Variants in SCMH1 observed in about 807,000 individuals in gnomAD.
SCMH1 encodes polycomb protein SCMH1.
A neutral mutation model predicts 70.8 loss-of-function variants in SCMH1; 37 were observed. That is an observed-to-expected ratio of 0.52 (90% CI 0.40 to 0.69). The LOEUF is 0.69. Among genes scored for constraint, SCMH1 ranks in the 30% least tolerant of loss-of-function variants. SCMH1 has a pLI of 0.00. For synonymous variants in SCMH1, 292 were observed against 307.4 expected, an observed-to-expected ratio of 0.95 and a Z score of 0.52; for missense variants, 607 against 827.3, an observed-to-expected ratio of 0.73 and a Z score of 3.27.
At chr1:41,185,424 CA>C (rs1053508227) in intron 2 of SCMH1, among the ~76,000 whole-genome samples, 1 of 152,136 alleles carries the variant, frequency 6.6e-6, no homozygotes, top group Non-Finnish European at 1.5e-5. Flanking sequence ...TGGGCTCAAG[CA>C]ATTGGCCCAC....
intron 8 of SCMH1, among the ~76,000 whole-genome samples, chr1:41,082,787 G>A (rs1189449203): frequency 1.3e-5 from 2 of 152,064 alleles, no homozygotes; most frequent in Non-Finnish European, 2.9e-5. Flanking sequence ...TGATCAAGTG[G>A]GCTTCATCCC....
At chr1:41,042,729 C>T (rs1055523232) in intron 12 of SCMH1, among the ~76,000 whole-genome samples, 2 of 152,224 alleles carry the variant, frequency 1.3e-5, no homozygotes, top group Admixed American at 1.3e-4. Flanking sequence ...TCACCACATA[C>T]ATGTTCACAT....
chr1:41,039,951 C>CTTTT (rs11369029), intron 12 of SCMH1, among the ~76,000 whole-genome samples: 1 of 147,188 alleles, frequency 6.8e-6, no homozygotes, highest in Non-Finnish European at 1.5e-5. Context: ...TGCCAAAAAA[C>CTTTT]TTTTTTTTTT....
intron 13 of SCMH1, among the ~76,000 whole-genome samples, chr1:41,032,876 G>A (rs1644732843): frequency 6.6e-6 from 1 of 152,226 alleles, no homozygotes; most frequent in Middle Eastern, 3.4e-3. Context: ...CTACTCGGGA[G>A]GCTGAGGCAG....
chr1:41,214,626 T>G (rs1028644685), intron 1 of SCMH1, among the ~76,000 whole-genome samples: 1 of 152,168 alleles, frequency 6.6e-6, no homozygotes, highest in African/African-American at 2.4e-5. Context: ...CACATTATTC[T>G]TATTAAATAG....
intron 6 of SCMH1, among the ~76,000 whole-genome samples, chr1:41,119,531 T>G (rs1240246730): frequency 6.6e-6 from 1 of 152,082 alleles, no homozygotes; most frequent in Non-Finnish European, 1.5e-5. Context: ...TACCTGGCCT[T>G]GGGGTAAAAC....
At chr1:41,153,269 T>C (rs908294971) in intron 4 of SCMH1, among the ~76,000 whole-genome samples, 2 of 152,130 alleles carry the variant, frequency 1.3e-5, no homozygotes, top group African/African-American at 2.4e-5. Flanking sequence ...GCCAATAAGG[T>C]AGCCACTAGC....
chr1:41,102,368 G>A (rs1666844175), intron 8 of SCMH1, among the ~76,000 whole-genome samples: 1 of 152,194 alleles, frequency 6.6e-6, no homozygotes, highest in Non-Finnish European at 1.5e-5. Flanking sequence ...ACTTGGCTGG[G>A]TTCAGCTATG....
chr1:41,102,054 A>G (rs1349485073), intron 8 of SCMH1, among the ~76,000 whole-genome samples: 2 of 152,214 alleles, frequency 1.3e-5, no homozygotes, highest in Non-Finnish European at 2.9e-5. Flanking sequence ...AATCCTTAGG[A>G]GTCTTAACTG....
chr1:41,054,685 C>G (rs1649575802), intron 10 of SCMH1, among the ~76,000 whole-genome samples: 2 of 152,254 alleles, frequency 1.3e-5, no homozygotes, highest in South Asian at 4.1e-4. Flanking sequence ...GAATAGGAAG[C>G]CCAAAGTAGA....
chr1:41,094,179 A>C (rs533501443), intron 8 of SCMH1, among the ~76,000 whole-genome samples: 1 of 152,188 alleles, frequency 6.6e-6, no homozygotes, highest in Non-Finnish European at 1.5e-5. Context: ...AAGCTTAATA[A>C]ATTTTACTGC....
At chr1:41,172,873 C>T (rs1357575454) in intron 2 of SCMH1, among the ~76,000 whole-genome samples, 2 of 152,238 alleles carry the variant, frequency 1.3e-5, no homozygotes, top group East Asian at 3.9e-4. Flanking sequence ...GCTGGGAAAA[C>T]TGGATATCCA....
chr1:41,228,631 A>G (rs1013476058), intron 1 of SCMH1, among the ~76,000 whole-genome samples: 1 of 151,888 alleles, frequency 6.6e-6, no homozygotes, highest in Non-Finnish European at 1.5e-5. Context: ...AAATAAAAAA[A>G]AAAATTAGCT....
intron 8 of SCMH1, among the ~76,000 whole-genome samples, chr1:41,085,631 T>TAG (rs1661384735): frequency 6.6e-6 from 1 of 152,186 alleles, no homozygotes; most frequent in Non-Finnish European, 1.5e-5. Flanking sequence ...AAGTAAGCAC[T>TAG]AGACACATGT....
At chr1:41,134,223 A>G (rs992114089) in intron 6 of SCMH1, among the ~76,000 whole-genome samples, 2 of 152,204 alleles carry the variant, frequency 1.3e-5, no homozygotes, top group Non-Finnish European at 2.9e-5. Context: ...GCCTTTGACA[A>G]AATTCAACAG....
At chr1:41,226,209 T>C (rs1189785111) in intron 1 of SCMH1, among the ~76,000 whole-genome samples, 2 of 152,232 alleles carry the variant, frequency 1.3e-5, no homozygotes, top group African/African-American at 4.8e-5. Flanking sequence ...TTCATCTTTC[T>C]AGTAATTCAT....
Position 41,113,625 on chromosome 1 carries a change from A to C in SCMH1, c.502-99T>G. The C allele has an allele frequency of 7.6e-7, 1 of 1,317,474 alleles. No homozygotes were observed. Among genetic ancestry groups the C allele is most frequent in the East Asian group, 2.4e-5 (1 of 41,678 alleles). 81.6% of individuals were successfully genotyped at this position (1,317,474 alleles called of 1,614,324 possible). A position where few individuals can be genotyped will look rare whatever the true frequency, so the allele number is the denominator to read the frequency against. On this transcript the variant is annotated intron_variant, in intron 7 of 14. Coordinates refer to ENST00000337495, the Ensembl canonical transcript of SCMH1. The surrounding 1 kb of genome is among the most constrained non-coding windows in gnomAD (Gnocchi z 4.3). ...TGGATGATTAAAAAGTGACTGCTACATGAGACTTATAATGGATATATAGCC... is the reference window on the plus strand; with the variant it reads ...TGGATGATTAAAAAGTGACTGCTACCTGAGACTTATAATGGATATATAGCC...
At chr1:41,125,656 T>G (rs1037583311) in intron 6 of SCMH1, among the ~76,000 whole-genome samples, 3 of 151,946 alleles carry the variant, frequency 2.0e-5, no homozygotes, top group Non-Finnish European at 4.4e-5. Flanking sequence ...CACTGCAGCC[T>G]CGACCTCCCA....
intron 6 of SCMH1, among the ~76,000 whole-genome samples, chr1:41,130,612 G>A (rs1674428092): frequency 6.6e-6 from 1 of 151,918 alleles, no homozygotes; most frequent in Non-Finnish European, 1.5e-5. Flanking sequence ...AATTAGATAT[G>A]TAAGTATAAA....
Sources: allele counts gnomAD v4.1 joint callset (sites outside exome capture counted in the v4.1 genomes callset), GRCh38; gene constraint gnomAD v4.1.1; non-coding constraint Gnocchi (gnomAD v3.1); transcripts MANE v1.5; gene names NCBI Gene and HGNC (gene_info 2026-07-23, HGNC 2026-07-21).